INPP5A: variants seen among roughly 807,000 people sequenced by gnomAD.
The protein encoded by INPP5A is inositol polyphosphate-5-phosphatase A.
A neutral mutation model predicts 65.2 loss-of-function variants in INPP5A; 14 were observed. That is an observed-to-expected ratio of 0.21 (90% confidence interval 0.14 to 0.34). INPP5A has a LOEUF of 0.34. Among genes scored for constraint, INPP5A ranks in the 10% least tolerant of loss-of-function variants. INPP5A has a pLI of 1.00. For missense variants in INPP5A, 431 were observed against 545.6 expected (o/e 0.79, Z 2.09); for synonymous variants, 207 against 208.3 (o/e 0.99, Z 0.05).
At chr10:132,730,124 C>A (rs1281130693) in intron 9 of INPP5A, among the ~76,000 whole-genome samples, 1 of 152,226 alleles carries the variant, frequency 6.6e-6, no homozygotes, top group Non-Finnish European at 1.5e-5. Context: ...TCTCAGTTCC[C>A]CCACAGTAGC....
rs2071403503 is a variant in INPP5A, at chr10:132,575,563, C to G, written c.76-32352C>G. 1.3e-5 allele frequency among the ~76,000 whole-genome samples: 2 copies of G among 152,236 alleles called. No individual in the cohort carries two copies. Among genetic ancestry groups the G allele is most frequent in the Non-Finnish European group, 2.9e-5 (2 of 68,038 alleles). On this transcript the variant is annotated intron_variant, in intron 1 of 15. Coordinates refer to ENST00000368594, the MANE Select transcript of INPP5A (RefSeq NM_005539.5). This position sits in a 1 kb window ranked among gnomAD's most constrained non-coding sequence, Gnocchi z 5.4. ...AAGCAATGAGCACTATCCTACTTCC[C>G]TAACCCAACCACAAGCAGCGGAGCC...
intron 9 of INPP5A, among the ~76,000 whole-genome samples, chr10:132,731,110 A>T (rs1846076827): frequency 6.6e-6 from 1 of 152,202 alleles, no homozygotes; most frequent in African/African-American, 2.4e-5. Context: ...GCTGCCTGGC[A>T]GACGTGGCGG....
chr10:132,610,573 T>G (rs960107865), intron 2 of INPP5A, among the ~76,000 whole-genome samples: 1 of 152,226 alleles, frequency 6.6e-6, no homozygotes, highest in Non-Finnish European at 1.5e-5. Flanking sequence ...CCCAGCCAGC[T>G]CGCTGCAGGG....
rs978317356 is a variant in INPP5A at position 132,698,233 on chromosome 10, C to T, written c.474+314C>T. ...CCCTTGGCGTGCACCTGGGGTCTCC[C>T]GCACGCCCAGCTGGGAGAGGGTCAG... On this transcript the variant is annotated intron_variant, in intron 6 of 15. Coordinates refer to ENST00000368594, the MANE Select transcript of INPP5A (RefSeq NM_005539.5). The surrounding 1 kb of genome is among the most constrained non-coding windows in gnomAD (Gnocchi z 5.5). 3.3e-5 allele frequency among the ~76,000 whole-genome samples: 5 copies of T among 152,142 alleles called. No individual in the cohort carries two copies. The highest frequency in any genetic ancestry group is 2.6e-4 in the Admixed American group (4 of 15,278).
chr10:132,601,846 C>T (rs113934751), intron 1 of INPP5A, among the ~76,000 whole-genome samples: 5,248 of 148,970 alleles, frequency 0.035, 289 homozygotes, highest in African/African-American at 0.12. Flanking sequence ...TGTCTTGTGC[C>T]AGGACCACAC....
rs367773617 is a variant in INPP5A at position 132,552,265 on chromosome 10, T to G, written c.75+14094T>G. Reference sequence around the variant, plus strand: ...ATGCCTTCTCAGAGCCTTGGTGGCATATTGAGTGGGATAGGGAGGGAGGAT... The same window carrying G: ...ATGCCTTCTCAGAGCCTTGGTGGCAGATTGAGTGGGATAGGGAGGGAGGAT... On this transcript the variant is annotated intron_variant, in intron 1 of 15. Transcript: ENST00000368594. Among the ~76,000 whole-genome samples the G allele has an allele frequency of 1.2e-3, 162 of 139,872 alleles. 2 individuals carry two copies. In the East Asian group the frequency reaches 0.035, roughly 30 times the overall value. 91.8% of individuals were successfully genotyped at this position (139,872 alleles called of 152,430 possible). A position where few individuals can be genotyped will look rare whatever the true frequency, so the allele number is the denominator to read the frequency against.
chr10:132,640,780 G>A (rs1021438903), intron 2 of INPP5A, among the ~76,000 whole-genome samples: 3 of 152,194 alleles, frequency 2.0e-5, no homozygotes, highest in East Asian at 1.9e-4. Context: ...TCTCTCGGCC[G>A]TTTCCTGTTC....
At chr10:132,739,868 G>T (rs1464491591) in intron 9 of INPP5A, among the ~76,000 whole-genome samples, 1 of 152,202 alleles carries the variant, frequency 6.6e-6, no homozygotes, top group Non-Finnish European at 1.5e-5. Context: ...TCTCCACCCT[G>T]TGTGTCCGTT....
chr10:132,782,191 G>T lies in INPP5A; in HGVS notation c.*162G>T, dbSNP rs1178705420. 8.9e-7 allele frequency: 1 copy of T among 1,122,182 alleles called. No individual in the cohort carries two copies. The highest frequency in any genetic ancestry group is 1.3e-6 in the Non-Finnish European group (1 of 775,590). 69.5% of individuals were successfully genotyped at this position (1,122,182 alleles called of 1,614,324 possible). On this transcript the variant is annotated 3_prime_UTR_variant, in exon 16 of 16. Coordinates refer to ENST00000368594, the MANE Select transcript of INPP5A (RefSeq NM_005539.5). The surrounding 1 kb of genome is among the most constrained non-coding windows in gnomAD (Gnocchi z 4.4). ...TCGCTTCAGCCTCCGGACCATTCCG[G>T]AGCAGCCTCACATACCTCACTGTCT...
At chr10:132,598,312 T>C (rs749768318) in intron 1 of INPP5A, among the ~76,000 whole-genome samples, 3 of 152,234 alleles carry the variant, frequency 2.0e-5, no homozygotes, top group Non-Finnish European at 2.9e-5. Flanking sequence ...AATGCATTCA[T>C]AATGTTGCAT....
Position 132,774,881 on chromosome 10 carries a change from A to AGAGG in INPP5A, c.978-2789_978-2788insAGGG, listed in dbSNP as rs375553820. Among the ~76,000 whole-genome samples the AGAGG allele has an allele frequency of 2.2e-3, 21 of 9,454 alleles. 4 individuals are homozygous for AGAGG. Among genetic ancestry groups the AGAGG allele is most frequent in the Non-Finnish European group, 4.1e-3 (18 of 4,422 alleles). 6.2% of individuals were successfully genotyped at this position (9,454 alleles called of 152,430 possible). ...GGCAGGGAGGAGGGGCAGGGAGGAG[A>AGAGG]GGCAGGGAGGAGGGGCAGGGAGGAG... On this transcript the variant is annotated intron_variant, in intron 12 of 15. Transcript: ENST00000368594.
chr10:132,698,021 C>T lies in INPP5A; in HGVS notation c.474+102C>T. 2.7e-6 allele frequency: 2 copies of T among 751,066 alleles called. No homozygotes were observed. Among genetic ancestry groups the T allele is most frequent in the South Asian group, 3.1e-5 (2 of 64,360 alleles). The allele number at this position is 751,066 out of a possible 1,614,324, so 46.5% of individuals were successfully genotyped here. ...TTTCGCATTGCACTGTTACTAGTCA[C>T]AGCTGCCTGTTGTTACCTCCGATAA... On this transcript the variant is annotated intron_variant, in intron 6 of 15. Coordinates refer to ENST00000368594, the MANE Select transcript of INPP5A (RefSeq NM_005539.5). This position sits in a 1 kb window ranked among gnomAD's most constrained non-coding sequence, Gnocchi z 5.5.
intron 1 of INPP5A, among the ~76,000 whole-genome samples, chr10:132,561,452 A>G (rs1412216356): frequency 6.6e-6 from 1 of 151,856 alleles, no homozygotes; most frequent in Non-Finnish European, 1.5e-5. Flanking sequence ...TTTTGAAAAG[A>G]CTATTCTTCC....
chr10:132,608,376 C>T (rs1443962669), intron 2 of INPP5A, among the ~76,000 whole-genome samples: 1 of 152,230 alleles, frequency 6.6e-6, no homozygotes, highest in Non-Finnish European at 1.5e-5. Flanking sequence ...CTGGGGGAGG[C>T]GACCGGTTGG....
intron 1 of INPP5A, among the ~76,000 whole-genome samples, chr10:132,582,839 T>C (rs2071502626): frequency 6.6e-6 from 1 of 152,250 alleles, no homozygotes. Context: ...GCCTCAGTTG[T>C]GTTGGCATTA....
chr10:132,682,183 A>T (rs61862804), intron 4 of INPP5A, among the ~76,000 whole-genome samples: 1 of 100,272 alleles, frequency 1.0e-5, no homozygotes, highest in Non-Finnish European at 2.5e-5. Context: ...CGTCCTGGAG[A>T]TGGGAAGGTG....
chr10:132,767,480 C>T (rs1396880636), intron 12 of INPP5A, among the ~76,000 whole-genome samples: 2 of 152,186 alleles, frequency 1.3e-5, no homozygotes. Context: ...GCAGTGGTGG[C>T]CCAGGCCTCT....
rs5789138 is a variant in INPP5A, at chr10:132,782,250, GTTT to G, written c.*237_*239del. 1.1e-3 allele frequency: 382 copies of G among 334,222 alleles called. No individual in the cohort carries two copies. The highest frequency in any genetic ancestry group is 6.4e-3 in the Middle Eastern group (6 of 944). 20.7% of individuals were successfully genotyped at this position (334,222 alleles called of 1,614,324 possible). On this transcript the variant is annotated 3_prime_UTR_variant, in exon 16 of 16. Transcript: ENST00000368594. The surrounding 1 kb of genome is among the most constrained non-coding windows in gnomAD (Gnocchi z 4.4). ...TATGTGACATTAAGTAGAAATATTG[GTTT>G]TTTTTTTTTTTTTTTAAATAAGTCA...
chr10:132,625,843 TGTG>T (rs2072175707), intron 2 of INPP5A, among the ~76,000 whole-genome samples: 11 of 2,830 alleles, frequency 3.9e-3, no homozygotes, highest in African/African-American at 0.012. Context: ...AGGACTTCTG[TGTG>T]TGTGTGTGTG....
Sources: allele counts gnomAD v4.1 joint callset (sites outside exome capture counted in the v4.1 genomes callset), GRCh38; gene constraint gnomAD v4.1.1; non-coding constraint Gnocchi (gnomAD v3.1); transcripts MANE v1.5; gene names NCBI Gene and HGNC (gene_info 2026-07-23, HGNC 2026-07-21).